ORMDL1: variants seen among roughly 807,000 people sequenced by gnomAD.
ORMDL1 encodes the protein ORM1-like protein 1.
Under a neutral mutation model 13.0 loss-of-function variants are expected in ORMDL1, and 10 were observed. That is an observed-to-expected ratio of 0.77 (90% CI 0.47 to 1.30). ORMDL1 has a LOEUF of 1.30. ORMDL1 is among the 50% of genes most tolerant of loss of function. The pLI, the probability that ORMDL1 is intolerant of heterozygous loss-of-function variation, is 0.00. For synonymous variants in ORMDL1, 61 were observed against 63.9 expected, an observed-to-expected ratio of 0.95 and a Z score of 0.22; for missense variants, 171 against 186.7, an observed-to-expected ratio of 0.92 and a Z score of 0.49.
chr2:189,772,663 C>T (rs765134290), intron 4 of ORMDL1, among the ~76,000 whole-genome samples: 19 of 152,116 alleles, frequency 1.2e-4, no homozygotes, highest in Non-Finnish European at 2.8e-4. Context: ...CAGAATAATA[C>T]AGATAAGATG....
chr2:189,766,104 C>T (rs544027074), downstream of ORMDL1, among the ~76,000 whole-genome samples: 30 of 151,876 alleles, frequency 2.0e-4, no homozygotes, highest in South Asian at 8.3e-4. Flanking sequence ...GGATTACAGG[C>T]GTGAGCCACC....
At chr2:189,764,755 T>C in the ORMDL1 span, 3 of 152,150 alleles carry the variant, frequency 2.0e-5, no homozygotes, top group Non-Finnish European at 1.5e-5. Context: ...GTCTCAGATA[T>C]TGTGTGTCTA....
In ORMDL1 at chr2:189,775,626, GTT is replaced by G. The variant is rs747670752; in HGVS notation, c.263_264del (p.Gln88ProfsTer32). 3 of 1,614,012 alleles carry G rather than the reference GTT, an allele frequency of 1.9e-6. No individual in the cohort carries two copies. The highest frequency in any genetic ancestry group is 2.5e-6 in the Non-Finnish European group (3 of 1,179,888). The part of the protein sequence containing the change: ...GKARLLTHWE[Q>X]LDYGVQFTSS... ...GATGTAAACTGTACTCCATAGTCCAGTTGTTCCCAATGAGTTAGGAGCCTTGC... is the reference window on the plus strand; with the variant it reads ...GATGTAAACTGTACTCCATAGTCCAGGTTCCCAATGAGTTAGGAGCCTTGC... On this transcript the variant is annotated frameshift_variant, in exon 4 of 5. Coordinates refer to ENST00000392349, the MANE Select transcript of ORMDL1 (RefSeq NM_016467.5). LOFTEE classifies it high-confidence loss of function.
intron 3 of ORMDL1, among the ~76,000 whole-genome samples, chr2:189,776,846 T>C (rs1481352208): frequency 6.6e-6 from 1 of 152,058 alleles, no homozygotes; most frequent in Non-Finnish European, 1.5e-5. Flanking sequence ...CATATGAAAT[T>C]GAATGAGATG....
At chr2:189,766,924 A>G (rs571932106), downstream of ORMDL1, among the ~76,000 whole-genome samples, 71 of 152,348 alleles carry the variant, frequency 4.7e-4, no homozygotes, top group African/African-American at 1.5e-3. Context: ...GATGTAATAT[A>G]TATCAGAAGT....
At chr2:189,774,053 GA>G (rs1475232426) in intron 4 of ORMDL1, 1 of 152,180 alleles carries the variant, frequency 6.6e-6, no homozygotes, top group African/African-American at 2.4e-5. Context: ...AGCTTTTGAA[GA>G]AAACGGCCAA....
chr2:189,782,352 C>T lies in ORMDL1; in HGVS notation c.174+70G>A, dbSNP rs1047722630. 9 of 1,380,302 alleles carry T rather than the reference C, an allele frequency of 6.5e-6. No homozygotes were observed. The East Asian group carries it at 2.0e-4, about 30-fold the overall frequency. The allele number at this position is 1,380,302 out of a possible 1,614,324, so 85.5% of individuals were successfully genotyped here. A position where few individuals can be genotyped will look rare whatever the true frequency, so the allele number is the denominator to read the frequency against. ...ATTAAGCAATAACTTTCCATTCCTT[C>T]CTCCCCTTAATTTCCGGCAACCACT... On this transcript the variant is annotated intron_variant, in intron 3 of 4. Coordinates refer to ENST00000392349, the MANE Select transcript of ORMDL1 (RefSeq NM_016467.5).
chr2:189,768,858 A>C (rs1426362819), downstream of ORMDL1, among the ~76,000 whole-genome samples: 1 of 152,354 alleles, frequency 6.6e-6, no homozygotes, highest in South Asian at 2.1e-4. Context: ...AAACCATATC[A>C]TATGGAAAAT....
downstream of ORMDL1, among the ~76,000 whole-genome samples, chr2:189,769,134 A>AT (rs2047530541): frequency 6.6e-6 from 1 of 152,192 alleles, no homozygotes; most frequent in South Asian, 2.1e-4. Context: ...CTGTAATCCC[A>AT]GCCTGACCAA....
intron 3 of ORMDL1, chr2:189,778,096 G>GGGT: frequency 4.5e-6 from 2 of 441,914 alleles, no homozygotes; most frequent in Non-Finnish European, 9.0e-6. Flanking sequence ...CACGGTTAGG[G>GGGT]GGTGGTGGTG....
chr2:189,783,881 T>C (rs2047987571), intron 1 of ORMDL1, among the ~76,000 whole-genome samples: 1 of 152,158 alleles, frequency 6.6e-6, no homozygotes, highest in African/African-American at 2.4e-5. Flanking sequence ...TTACAGACCG[T>C]GAAGAGGCTG....
chr2:189,764,342 TC>T, the ORMDL1 span: 1 of 152,232 alleles, frequency 6.6e-6, no homozygotes, highest in African/African-American at 2.4e-5. Context: ...ATCCCAATGC[TC>T]TTCTGTGCTG....
At chr2:189,775,411 T>C in intron 4 of ORMDL1, 154 bp downstream of exon 4, 1 of 758,578 alleles carries the variant, frequency 1.3e-6, no homozygotes, top group South Asian at 2.2e-5. Flanking sequence ...TATCAACTTG[T>C]TAAAAATTTT....
chr2:189,782,648 C>T, intron 2 of ORMDL1, 46 bp from the exon 3 acceptor site: 2 of 1,537,680 alleles, frequency 1.3e-6, no homozygotes, highest in Non-Finnish European at 1.8e-6. Context: ...AACTGGCAAC[C>T]TAACACCCCC....
chr2:189,783,463 A>C (rs1400053927), intron 1 of ORMDL1: 1 of 152,210 alleles, frequency 6.6e-6, no homozygotes, highest in Non-Finnish European at 1.5e-5. Context: ...TGTGATTTTA[A>C]AATACACAAA....
At position 189,771,696 on chromosome 2, in the gene ORMDL1, C is replaced by T. The variant is rs751343184; in HGVS notation, c.*71G>A. ...ATTTCACATTATCACAGAAACAGTG[C>T]AGTTTACTAACCACTCCTTCCTTAT... On this transcript the variant is annotated 3_prime_UTR_variant, in exon 5 of 5. Coordinates refer to ENST00000392349, the MANE Select transcript of ORMDL1 (RefSeq NM_016467.5). 6.0e-4 allele frequency: 782 copies of T among 1,298,890 alleles called. 3 individuals carry two copies. The highest frequency in any genetic ancestry group is 7.2e-4 in the Non-Finnish European group (683 of 946,078). 80.5% of individuals were successfully genotyped at this position (1,298,890 alleles called of 1,614,324 possible).
chr2:189,772,514 G>A (rs1459962178), intron 4 of ORMDL1, among the ~76,000 whole-genome samples: 1 of 152,018 alleles, frequency 6.6e-6, no homozygotes, highest in Non-Finnish European at 1.5e-5. Context: ...TATGTTTTTG[G>A]ATATCCAACT....
At chr2:189,782,694 T>C (rs2047890776) in intron 2 of ORMDL1, 92 bp from the exon 3 acceptor site, 2 of 1,226,554 alleles carry the variant, frequency 1.6e-6, no homozygotes, top group Non-Finnish European at 2.3e-6. Context: ...GTTGCGAGGA[T>C]TATTTTTTCC....
chr2:189,775,828 G>C, intron 3 of ORMDL1, 112 bp from the exon 4 acceptor site: 3 of 1,037,710 alleles, frequency 2.9e-6, no homozygotes, highest in Non-Finnish European at 4.0e-6. Context: ...ATTTAACTGA[G>C]TTCGTTTTAA....
Sources: allele counts gnomAD v4.1 joint callset (sites outside exome capture counted in the v4.1 genomes callset), GRCh38; gene constraint gnomAD v4.1.1; transcripts MANE v1.5; gene names NCBI Gene and HGNC (gene_info 2026-07-23, HGNC 2026-07-21).